LRP1B: variants seen among roughly 807,000 people sequenced by gnomAD.
LRP1B encodes low-density lipoprotein receptor-related protein 1B.
A neutral mutation model predicts 556.6 loss-of-function variants in LRP1B; 217 were observed. The ratio of observed to expected loss-of-function variants is 0.39; its 90% CI spans 0.35 to 0.44. The LOEUF (loss-of-function observed/expected upper bound fraction) is 0.44, where lower values mean the gene tolerates loss of function less well. LRP1B is among the 20% of genes least tolerant of loss of function. The pLI is 1.00. For missense variants in LRP1B, 5,053 were observed against 5,620.8 expected (o/e 0.90, Z 3.23); for synonymous variants, 2,047 against 1,865.8 (o/e 1.10, Z -2.50).
At chr2:141,711,274 T>G (rs1413836618) in intron 2 of LRP1B, among the ~76,000 whole-genome samples, 4 of 152,194 alleles carry the variant, frequency 2.6e-5, no homozygotes, top group Non-Finnish European at 4.4e-5. Context: ...ACTCTAGCTA[T>G]CCAACCACAT....
At chr2:140,484,836 A>G (rs1486115180) in intron 59 of LRP1B, among the ~76,000 whole-genome samples, 2 of 152,144 alleles carry the variant, frequency 1.3e-5, no homozygotes, top group Admixed American at 6.5e-5. Context: ...AAACGGATCC[A>G]CCACAAACTC....
chr2:140,359,931 A>G (rs1201502854), intron 72 of LRP1B, among the ~76,000 whole-genome samples: 1 of 151,548 alleles, frequency 6.6e-6, no homozygotes, highest in Non-Finnish European at 1.5e-5. Context: ...TTGACCATCA[A>G]TTCTCAGTAG....
At position 141,681,217 on chromosome 2, in the gene LRP1B, A is replaced by G. The variant is rs1284583306; in HGVS notation, c.205+129062T>C. ...TGAGGTGGGAGGATTTTTTTGTGCC[A>G]AGGAGGTTGAGGCTGCTGTGAGCCA... On this transcript the variant is annotated intron_variant, in intron 2 of 90. Transcript: ENST00000389484. Among the ~76,000 whole-genome samples, 4 of 152,104 alleles carry G rather than the reference A, an allele frequency of 2.6e-5. No individual in the cohort carries two copies. The East Asian group carries it at 7.8e-4, about 30-fold the overall frequency.
chr2:140,332,517 T>C (rs577740449), intron 79 of LRP1B, among the ~76,000 whole-genome samples: 2 of 152,080 alleles, frequency 1.3e-5, no homozygotes, highest in Non-Finnish European at 2.9e-5. Flanking sequence ...ACTGGTGCTT[T>C]TGTAGTGAGG....
At chr2:140,870,299 C>T (rs1006686959) in intron 25 of LRP1B, among the ~76,000 whole-genome samples, 7 of 152,148 alleles carry the variant, frequency 4.6e-5, no homozygotes, top group Non-Finnish European at 7.3e-5. Flanking sequence ...AGCCACCCCA[C>T]TCAGAGGTCA....
At chr2:141,227,325 T>C (rs1683288180) in intron 6 of LRP1B, among the ~76,000 whole-genome samples, 1 of 152,286 alleles carries the variant, frequency 6.6e-6, no homozygotes, top group East Asian at 1.9e-4. Flanking sequence ...CAGTATTCCA[T>C]TTGCTGGGAA....
intron 2 of LRP1B, among the ~76,000 whole-genome samples, chr2:141,741,392 G>C (rs1165356699): frequency 6.9e-6 from 1 of 145,286 alleles, no homozygotes; most frequent in Admixed American, 7.1e-5. Flanking sequence ...CTATAAAGTG[G>C]TTCTACAAAT....
At chr2:140,733,474 T>C (rs1350666094) in intron 35 of LRP1B, among the ~76,000 whole-genome samples, 2 of 152,034 alleles carry the variant, frequency 1.3e-5, no homozygotes, top group Admixed American at 6.5e-5. Flanking sequence ...AACAAACATC[T>C]ATCATTGCAG....
At chr2:141,652,043 C>T (rs964639845) in intron 2 of LRP1B, among the ~76,000 whole-genome samples, 1 of 152,154 alleles carries the variant, frequency 6.6e-6, no homozygotes, top group Admixed American at 6.6e-5. Context: ...TCAATATATA[C>T]TAAATACAGG....
intron 71 of LRP1B, among the ~76,000 whole-genome samples, chr2:140,367,485 C>A (rs537912752): frequency 6.6e-6 from 1 of 151,822 alleles, no homozygotes; most frequent in Admixed American, 6.6e-5. Context: ...GACAATTGAA[C>A]ATCTGTCATT....
intron 40 of LRP1B, among the ~76,000 whole-genome samples, 187 bp downstream of exon 40, chr2:140,701,533 CT>C (rs1686641091): frequency 6.6e-6 from 1 of 151,922 alleles, no homozygotes; most frequent in Non-Finnish European, 1.5e-5. Context: ...GGCAAATACG[CT>C]TTTGTATGAA....
intron 79 of LRP1B, among the ~76,000 whole-genome samples, chr2:140,331,127 T>C (rs1264778493): frequency 6.6e-6 from 1 of 152,108 alleles, no homozygotes; most frequent in Non-Finnish European, 1.5e-5. Context: ...CATGTGTATG[T>C]TCACTGTAGC....
intron 1 of LRP1B, among the ~76,000 whole-genome samples, chr2:141,883,747 A>T (rs1699027098): frequency 6.6e-6 from 1 of 152,162 alleles, no homozygotes; most frequent in South Asian, 2.1e-4. Context: ...AATTAAATTT[A>T]AAAAGTATGA....
At chr2:140,558,930 T>G in intron 43 of LRP1B, among the ~76,000 whole-genome samples, 1 of 149,248 alleles carries the variant, frequency 6.7e-6, no homozygotes, top group East Asian at 2.0e-4. Context: ...AGCCAGACCC[T>G]GTCTCCAAAA....
intron 1 of LRP1B, among the ~76,000 whole-genome samples, chr2:142,014,502 C>A (rs1057500200): frequency 6.6e-6 from 1 of 151,964 alleles, no homozygotes; most frequent in East Asian, 1.9e-4. Flanking sequence ...GTGAGTACTG[C>A]ACTGAGGGAG....
At chr2:141,607,186 G>A (rs760241138) in intron 2 of LRP1B, among the ~76,000 whole-genome samples, 1 of 151,152 alleles carries the variant, frequency 6.6e-6, no homozygotes, top group South Asian at 2.1e-4. Flanking sequence ...ATAGAAAATC[G>A]TTCTCAACAT....
At chr2:141,777,387 G>A (rs1385578004) in intron 2 of LRP1B, among the ~76,000 whole-genome samples, 1 of 152,114 alleles carries the variant, frequency 6.6e-6, no homozygotes, top group Non-Finnish European at 1.5e-5. Context: ...AGGTGAATCT[G>A]CAAATGACTT....
At chr2:141,272,935 T>A (rs533653014) in intron 3 of LRP1B, among the ~76,000 whole-genome samples, 1 of 152,176 alleles carries the variant, frequency 6.6e-6, no homozygotes, top group Non-Finnish European at 1.5e-5. Flanking sequence ...CAACAAAGAA[T>A]AGAATACTTG....
intron 2 of LRP1B, among the ~76,000 whole-genome samples, chr2:141,632,691 G>T (rs1358632948): frequency 2.0e-5 from 3 of 151,794 alleles, no homozygotes; most frequent in Non-Finnish European, 4.4e-5. Context: ...ACCAAATGGG[G>T]TTGGCATATA....
Sources: allele counts gnomAD v4.1 joint callset (sites outside exome capture counted in the v4.1 genomes callset), GRCh38; gene constraint gnomAD v4.1.1; transcripts MANE v1.5; gene names NCBI Gene and HGNC (gene_info 2026-07-23, HGNC 2026-07-21).